Variants in CHRNA4 observed in about 807,000 individuals in gnomAD.
CHRNA4 encodes the protein neuronal acetylcholine receptor subunit alpha-4.
Under a neutral mutation model 48.9 loss-of-function variants are expected in CHRNA4, and 28 were observed. The observed-to-expected ratio is 0.57, with a 90% confidence interval of 0.42 to 0.79. CHRNA4 has a LOEUF of 0.79. CHRNA4 is among the 30% of genes least tolerant of loss of function. The probability of loss-of-function intolerance (pLI) is 0.00; values close to 1 mark genes in which losing one functional copy is unlikely to be tolerated. For synonymous variants in CHRNA4, 425 were observed against 402.3 expected (o/e 1.06, Z -0.68); for missense variants, 859 against 898.4 (o/e 0.96, Z 0.56).
chr20:63,355,545 G>C (rs1416065082), intron 4 of CHRNA4: 7 of 1,292,766 alleles, frequency 5.4e-6, no homozygotes, highest in Non-Finnish European at 7.1e-6. Flanking sequence ...GAAAGGCCAG[G>C]ATGGGGTCTG....
chr20:63,359,965 G>A (rs892226521), intron 1 of CHRNA4: 10 of 435,230 alleles, frequency 2.3e-5, no homozygotes, highest in East Asian at 4.1e-5. Context: ...CTTGGCCTCC[G>A]GCTCTCTCCC....
chr20:63,359,886 C>T (rs2068782936), intron 1 of CHRNA4, 187 bp from the exon 2 acceptor site: 5 of 594,404 alleles, frequency 8.4e-6, no homozygotes, highest in South Asian at 3.9e-5. Flanking sequence ...TGTGTGTGTG[C>T]CGGGCGTGTG....
chr20:63,360,027 C>A (rs888764325), intron 1 of CHRNA4: 5 of 373,450 alleles, frequency 1.3e-5, no homozygotes. Flanking sequence ...GGCCCCTCAG[C>A]CCACGGAGGC....
At chr20:63,355,058 T>G (rs1381958766) in intron 4 of CHRNA4, among the ~76,000 whole-genome samples, 1 of 152,162 alleles carries the variant, frequency 6.6e-6, no homozygotes, top group Non-Finnish European at 1.5e-5. Flanking sequence ...GAAAGGGCTG[T>G]GGGCAGATGG....
intron 4 of CHRNA4, among the ~76,000 whole-genome samples, chr20:63,351,651 G>T (rs942444253): frequency 6.6e-6 from 1 of 152,250 alleles, no homozygotes; most frequent in Non-Finnish European, 1.5e-5. Flanking sequence ...GGCCACAGAG[G>T]CAAGGACAGG....
rs201365294 is a variant in CHRNA4, at chr20:63,349,858, G to A, written c.1553C>T (p.Ala518Val). The change falls in exon 5 of 6, where the codon GCT becomes GTT. Residue 518 changes from alanine (A) to valine (V), a missense_variant. By Grantham distance (64) the Ala-to-Val change is moderately conservative. Transcript: ENST00000370263. The stretch of plus-strand genomic sequence containing the variant: ...GGGCTGGTCTGGGGGTGGGAGCTCA[G>A]CCGAGTGGGTGTTGCGAGAGGCCAG... Reference protein sequence around the residue: ...GALASRNTHSAELPPPDQPSP... With the variant: ...GALASRNTHSVELPPPDQPSP... 6 of 1,595,994 alleles carry A rather than the reference G, an allele frequency of 3.8e-6. No individual in the cohort carries two copies. In the Admixed American group the frequency reaches 1.0e-4, roughly 27 times the overall value.
Position 63,350,358 on chromosome 20 carries a change from G to A in CHRNA4, c.1053C>T (p.Ile351=), listed in dbSNP as rs61737042. The A allele has an allele frequency of 1.9e-4, 301 of 1,613,638 alleles. No individual in the cohort carries two copies. The African/African-American group carries it at 2.2e-3, about 12-fold the overall frequency. The change falls in exon 5 of 6, where the codon ATC becomes ATT. Residue 351 remains isoleucine, a synonymous_variant. Coordinates refer to ENST00000370263, the MANE Select transcript of CHRNA4 (RefSeq NM_000744.7). ...GCTTCATGAGGAGCAGGCGTGGCAC[G>A]ATGTCCAGGAAGACCCTGCGTACCC... ...PTWVRRVFLD[I]VPRLLLMKRP... is the part of the protein sequence containing the mutation.
intron 1 of CHRNA4, chr20:63,359,903 G>GTGTGCCGGGCGTGCGC (rs2068784843): frequency 4.1e-5 from 18 of 444,358 alleles, no homozygotes; most frequent in Non-Finnish European, 6.7e-5. Flanking sequence ...TGTGCTGTGT[G>GTGTGCCGGGCGTGCGC]TGTGTGTGTG....
intron 4 of CHRNA4, 98 bp downstream of exon 4, chr20:63,355,877 T>C (rs1601488776): frequency 6.6e-7 from 1 of 1,514,324 alleles, no homozygotes; most frequent in East Asian, 2.4e-5. Context: ...TGGGCCAGGC[T>C]GGGCCTTGGT....
At chr20:63,354,231 G>A (rs1415954930) in intron 4 of CHRNA4, among the ~76,000 whole-genome samples, 1 of 129,230 alleles carries the variant, frequency 7.7e-6, no homozygotes, top group African/African-American at 3.1e-5. Context: ...GGTCCTAGGG[G>A]GCTGTGGTCC....
intron 5 of CHRNA4, 93 bp downstream of exon 5, chr20:63,349,560 G>A (rs1042321541): frequency 1.3e-6 from 2 of 1,523,834 alleles, no homozygotes; most frequent in Non-Finnish European, 9.0e-7. Context: ...CTGAGGCCTG[G>A]GCCCGGCTCC....
rs1226067151 is a variant in CHRNA4, at chr20:63,344,610, A to G, written c.*2128T>C. 2.2e-6 allele frequency: 1 copy of G among 453,472 alleles called. No homozygotes were observed. The allele number at this position is 453,472 out of a possible 1,614,324, so 28.1% of individuals were successfully genotyped here. Reference sequence around the variant, plus strand: ...CGCAGTCACTCCTGACCCAGAAAAGAACAACCACAGCTGGGCCCAGCACCC... The same window carrying G: ...CGCAGTCACTCCTGACCCAGAAAAGGACAACCACAGCTGGGCCCAGCACCC... On this transcript the variant is annotated 3_prime_UTR_variant, in exon 6 of 6. Coordinates refer to ENST00000370263, the MANE Select transcript of CHRNA4 (RefSeq NM_000744.7). This position sits in a 1 kb window ranked among gnomAD's most constrained non-coding sequence, Gnocchi z 4.5.
chr20:63,348,529 C>T (rs112317890), intron 5 of CHRNA4, among the ~76,000 whole-genome samples: 84 of 152,308 alleles, frequency 5.5e-4, no homozygotes, highest in African/African-American at 1.8e-3. Context: ...GCACCAGATG[C>T]GTCCGAATAA....
chr20:63,348,401 G>T (rs1161444010), intron 5 of CHRNA4, among the ~76,000 whole-genome samples: 1 of 152,246 alleles, frequency 6.6e-6, no homozygotes, highest in Non-Finnish European at 1.5e-5. Flanking sequence ...CCTGCAGGAG[G>T]TTTTGCAGCT....
rs1430792544 is a variant in CHRNA4 at position 63,344,407 on chromosome 20, C to G, written c.*2331G>C. On this transcript the variant is annotated 3_prime_UTR_variant, in exon 6 of 6. Coordinates refer to ENST00000370263, the MANE Select transcript of CHRNA4 (RefSeq NM_000744.7). This position sits in a 1 kb window ranked among gnomAD's most constrained non-coding sequence, Gnocchi z 4.5. ...TTTACCTTAATTAATAAAAACAGCA[C>G]TGGACGCAAATACGCCAACATTGTT... 1 of 453,844 alleles carries G rather than the reference C, an allele frequency of 2.2e-6. No homozygotes were observed. The highest frequency in any genetic ancestry group is 6.9e-5 in the East Asian group (1 of 14,392). The allele number at this position is 453,844 out of a possible 1,614,324, so 28.1% of individuals were successfully genotyped here. A position where few individuals can be genotyped will look rare whatever the true frequency, so the allele number is the denominator to read the frequency against.
chr20:63,349,600 C>G (rs760160478), intron 5 of CHRNA4, 53 bp downstream of exon 5: 1 of 1,606,296 alleles, frequency 6.2e-7, no homozygotes, highest in East Asian at 2.2e-5. Flanking sequence ...AAAGGGCGTC[C>G]GCCGGTTCCG....
rs199618488 is a variant in CHRNA4 at position 63,345,793 on chromosome 20, C to T, written c.*945G>A. 10 of 441,708 alleles carry T rather than the reference C, an allele frequency of 2.3e-5. No homozygotes were observed. The highest frequency in any genetic ancestry group is 3.7e-5 in the Non-Finnish European group (8 of 217,170). 27.4% of individuals were successfully genotyped at this position (441,708 alleles called of 1,614,324 possible). A position where few individuals can be genotyped will look rare whatever the true frequency, so the allele number is the denominator to read the frequency against. On this transcript the variant is annotated 3_prime_UTR_variant, in exon 6 of 6. Transcript: ENST00000370263. This position sits in a 1 kb window ranked among gnomAD's most constrained non-coding sequence, Gnocchi z 5.4. ...CCCAGGGCGGATCTCCCGGGCTGCG[C>T]GCCAAGGTGGAAACCCTCAGGGTCC...
Position 63,350,351 on chromosome 20 carries a change from G to C in CHRNA4, c.1060C>G (p.Arg354Gly). Reference sequence around the variant, plus strand: ...GACGGCCGCTTCATGAGGAGCAGGCGTGGCACGATGTCCAGGAAGACCCTG... The same window carrying C: ...GACGGCCGCTTCATGAGGAGCAGGCCTGGCACGATGTCCAGGAAGACCCTG... ...VRRVFLDIVPRLLLMKRPSVV... is the reference protein window; with the variant it reads ...VRRVFLDIVPGLLLMKRPSVV... The change falls in exon 5 of 6, where the codon CGC becomes GGC. Residue 354 changes from arginine (R) to glycine (G), a missense_variant. Around this residue, in one of 3 missense-constraint regions of CHRNA4, gnomAD observed 478 missense variants for 455.4 expected, o/e 1.05. Transcript: ENST00000370263. The C allele has an allele frequency of 6.2e-7, 1 of 1,613,602 alleles. No individual in the cohort carries two copies. Among genetic ancestry groups the C allele is most frequent in the Non-Finnish European group, 8.5e-7 (1 of 1,180,028 alleles).
At chr20:63,356,493 A>G in intron 2 of CHRNA4, 78 bp from the exon 3 acceptor site, 1 of 1,423,926 alleles carries the variant, frequency 7.0e-7, no homozygotes, top group Non-Finnish European at 9.7e-7. Flanking sequence ...ATCTACAGCC[A>G]CTGGCACAAG....
Sources: gnomAD v4.1 joint callset for allele counts (sites outside exome capture counted in the v4.1 genomes callset) on GRCh38, gnomAD v4.1.1 for gene constraint, gnomAD v4.1.1 regional missense constraint, Gnocchi (gnomAD v3.1) non-coding constraint, MANE v1.5 for transcripts, NCBI Gene and HGNC (gene_info 2026-07-23, HGNC 2026-07-21) for gene names.